The following RAD51B variants were observed in gnomAD, a reference collection of about 807,000 sequenced individuals.
RAD51B encodes the protein RAD51 paralog B.
In RAD51B, 38 loss-of-function variants were observed where a neutral mutation model predicts 42.2. The observed-to-expected ratio is 0.90, with a 90% CI of 0.70 to 1.18. The LOEUF (loss-of-function observed/expected upper bound fraction) is 1.18, where lower values mean the gene tolerates loss of function less well. Among genes scored for constraint, RAD51B ranks in the 50% most tolerant of loss-of-function variants. The pLI, the probability that RAD51B is intolerant of heterozygous loss-of-function variation, is 0.00. For synonymous variants in RAD51B, 154 were observed against 145.2 expected (o/e 1.06, Z -0.43); for missense variants, 373 against 400.7 (o/e 0.93, Z 0.59).
chr14:67,964,973 C>T (rs925709342), intron 7 of RAD51B, among the ~76,000 whole-genome samples: 4 of 152,166 alleles, frequency 2.6e-5, no homozygotes, highest in African/African-American at 9.7e-5. Context: ...TGTCAAGTCT[C>T]AATTATCCTG....
At chr14:68,210,346 C>T (rs954918326) in intron 7 of RAD51B, among the ~76,000 whole-genome samples, 1 of 152,138 alleles carries the variant, frequency 6.6e-6, no homozygotes, top group African/African-American at 2.4e-5. Context: ...TTTTTATACA[C>T]CATGCCTGAA....
chr14:67,916,918 G>A (rs34723132), intron 7 of RAD51B, among the ~76,000 whole-genome samples: 27,040 of 152,150 alleles, frequency 0.18, 2,610 homozygotes, highest in Middle Eastern at 0.36. Context: ...AAAAGGAATT[G>A]TATGTTAAAA....
At chr14:67,865,536 T>G (rs1173978940) in intron 5 of RAD51B, among the ~76,000 whole-genome samples, 5 of 53,012 alleles carry the variant, frequency 9.4e-5, no homozygotes, top group African/African-American at 3.0e-4. Flanking sequence ...TGTGCCTGGC[T>G]TTTTTTTTTT....
chr14:68,627,828 A>T (rs1892123947), intron 10 of RAD51B, among the ~76,000 whole-genome samples: 1 of 152,166 alleles, frequency 6.6e-6, no homozygotes, highest in South Asian at 2.1e-4. Context: ...CTTCTGCATA[A>T]AATTTCATTA....
At chr14:67,960,074 G>A (rs1466743997) in intron 7 of RAD51B, among the ~76,000 whole-genome samples, 3 of 144,648 alleles carry the variant, frequency 2.1e-5, no homozygotes, top group Non-Finnish European at 4.5e-5. Flanking sequence ...AACAGAGCAA[G>A]ACTCCATCTC....
At chr14:68,535,109 AT>A (rs1383292811) in intron 10 of RAD51B, among the ~76,000 whole-genome samples, 14 of 152,280 alleles carry the variant, frequency 9.2e-5, no homozygotes, top group African/African-American at 3.4e-4. Flanking sequence ...GTATTCTTAA[AT>A]TCCAAATTAC....
intron 7 of RAD51B, among the ~76,000 whole-genome samples, chr14:68,175,521 T>C (rs1361004357): frequency 6.6e-6 from 1 of 152,176 alleles, no homozygotes; most frequent in Non-Finnish European, 1.5e-5. Flanking sequence ...TATTTTTGGT[T>C]GTATTAAATG....
intron 5 of RAD51B, among the ~76,000 whole-genome samples, chr14:67,873,400 A>G (rs2042612561): frequency 6.6e-6 from 1 of 152,134 alleles, no homozygotes. Context: ...ACCATCTCAC[A>G]CCAGTTAGAA....
At chr14:68,119,115 C>T (rs1305286165) in intron 7 of RAD51B, among the ~76,000 whole-genome samples, 1 of 151,714 alleles carries the variant, frequency 6.6e-6, no homozygotes, top group African/African-American at 2.4e-5. Flanking sequence ...ACTAATTTTT[C>T]TAATTTTTTT....
chr14:68,465,958 AT>A (rs57157053), intron 9 of RAD51B, among the ~76,000 whole-genome samples: 27,551 of 109,544 alleles, frequency 0.25, 2,964 homozygotes, highest in Non-Finnish European at 0.33. Context: ...AAAAAAATAA[AT>A]AAATAAATAA....
At chr14:68,427,148 T>C (rs2084871180) in intron 9 of RAD51B, among the ~76,000 whole-genome samples, 1 of 152,240 alleles carries the variant, frequency 6.6e-6, no homozygotes, top group African/African-American at 2.4e-5. Context: ...TTGGATAGCC[T>C]GGACATCCAG....
intron 7 of RAD51B, among the ~76,000 whole-genome samples, chr14:67,965,079 C>A (rs1335507634): frequency 1.3e-5 from 2 of 152,262 alleles, no homozygotes; most frequent in Admixed American, 6.5e-5. Context: ...AAACAAGATC[C>A]TTATCCTTTT....
At chr14:68,643,763 G>A (rs1039984938) in intron 10 of RAD51B, among the ~76,000 whole-genome samples, 1 of 152,134 alleles carries the variant, frequency 6.6e-6, no homozygotes, top group African/African-American at 2.4e-5. Context: ...AGGAGGTCTG[G>A]GAGGACCATC....
At chr14:68,339,350 A>G (rs1295712884) in intron 8 of RAD51B, 1 of 1,028,666 alleles carries the variant, frequency 9.7e-7, no homozygotes, top group Non-Finnish European at 1.5e-6. Flanking sequence ...GCAACCTGAT[A>G]TAGTGGGGCC....
chr14:67,843,819 A>G (rs551899099), intron 4 of RAD51B, among the ~76,000 whole-genome samples: 1 of 147,428 alleles, frequency 6.8e-6, no homozygotes, highest in African/African-American at 2.5e-5. Flanking sequence ...GATCTTTTTA[A>G]TTATTTTTTT....
At chr14:67,907,219 G>C (rs1464709728) in intron 7 of RAD51B, among the ~76,000 whole-genome samples, 1 of 151,808 alleles carries the variant, frequency 6.6e-6, no homozygotes, top group Non-Finnish European at 1.5e-5. Flanking sequence ...GGTTTTTCGT[G>C]ACTCAATTTC....
intron 10 of RAD51B, among the ~76,000 whole-genome samples, chr14:68,507,588 C>G (rs903701226): frequency 6.6e-6 from 1 of 152,220 alleles, no homozygotes; most frequent in African/African-American, 2.4e-5. Context: ...ACTGCACTCT[C>G]TAAACAAACT....
chr14:68,517,441 A>G (rs1594935278), intron 10 of RAD51B, among the ~76,000 whole-genome samples: 1 of 152,186 alleles, frequency 6.6e-6, no homozygotes, highest in Non-Finnish European at 1.5e-5. Flanking sequence ...AGCACCAGCA[A>G]TTTTACCCAG....
intron 7 of RAD51B, among the ~76,000 whole-genome samples, chr14:68,178,758 C>T (rs932436683): frequency 2.0e-5 from 3 of 152,132 alleles, no homozygotes; most frequent in African/African-American, 7.2e-5. Flanking sequence ...TTAGAATTCT[C>T]CCACAGTTTG....
Sources: gnomAD v4.1 joint callset for allele counts (sites outside exome capture counted in the v4.1 genomes callset) on GRCh38, gnomAD v4.1.1 for gene constraint, MANE v1.5 for transcripts, NCBI Gene and HGNC (gene_info 2026-07-23, HGNC 2026-07-21) for gene names.